The following GRM8 variants were observed in gnomAD, a reference collection of about 807,000 sequenced individuals.
GRM8 encodes metabotropic glutamate receptor 8.
Under a neutral mutation model 87.2 loss-of-function variants are expected in GRM8, and 47 were observed. The ratio of observed to expected loss-of-function variants is 0.54; its 90% confidence interval spans 0.43 to 0.69. GRM8 has a LOEUF of 0.69. GRM8 is among the 30% of genes least tolerant of loss of function. The pLI, the probability that GRM8 is intolerant of heterozygous loss-of-function variation, is 0.00. For missense variants in GRM8, 1,019 were observed against 1,139.2 expected (o/e 0.89, Z 1.52); for synonymous variants, 396 against 404.5 (o/e 0.98, Z 0.25).
Position 126,471,017 on chromosome 7 carries a change from C to T in GRM8, c.2431-24645G>A, listed in dbSNP as rs547827761. ...TTGAGAAGTGTCTGCTCATGTCCTT[C>T]GCCCACTTTTTGATGGGGTTGTTTG... On this transcript the variant is annotated intron_variant, in intron 9 of 10. Transcript: ENST00000339582. Among the ~76,000 whole-genome samples the T allele has an allele frequency of 1.4e-3, 210 of 151,994 alleles. 1 individual carries two copies. The highest frequency in any genetic ancestry group is 4.5e-3 in the African/African-American group (187 of 41,460).
At position 126,513,853 on chromosome 7, in the gene GRM8, A is replaced by G. The variant is rs148958844; in HGVS notation, c.2430+19099T>C. On this transcript the variant is annotated intron_variant, in intron 9 of 10. Coordinates refer to ENST00000339582, the MANE Select transcript of GRM8 (RefSeq NM_000845.3). ...TACTGATTCCAAATTGATTATAATC[A>G]GAGGTGTATACTACCAAACACTGAA... Among the ~76,000 whole-genome samples, 526 of 152,302 alleles carry G rather than the reference A, an allele frequency of 3.5e-3. 4 individuals carry two copies. Among genetic ancestry groups the G allele is most frequent in the African/African-American group, 0.012 (511 of 41,578 alleles).
At chr7:127,116,029 T>C (rs1587065131) in intron 2 of GRM8, among the ~76,000 whole-genome samples, 1 of 152,142 alleles carries the variant, frequency 6.6e-6, no homozygotes, top group Admixed American at 6.6e-5. Context: ...GGCTGCAAGA[T>C]CACTTGAGCC....
chr7:126,538,608 C>T (rs887247454), intron 8 of GRM8, among the ~76,000 whole-genome samples: 1 of 151,910 alleles, frequency 6.6e-6, no homozygotes, highest in Admixed American at 6.5e-5. Context: ...TCTTGCTCTA[C>T]ATGTAATAAT....
intron 3 of GRM8, among the ~76,000 whole-genome samples, chr7:126,912,818 CTAT>C (rs1367732766): frequency 2.0e-5 from 3 of 152,170 alleles, no homozygotes; most frequent in African/African-American, 7.2e-5. Context: ...CAACCGTAGA[CTAT>C]TGTTTGCCTT....
chr7:126,921,124 G>C (rs1804483409), intron 3 of GRM8, among the ~76,000 whole-genome samples: 1 of 152,084 alleles, frequency 6.6e-6, no homozygotes, highest in Non-Finnish European at 1.5e-5. Context: ...TAGAGGACAA[G>C]AAATAAGACA....
chr7:127,151,009 G>T (rs1828830981), intron 2 of GRM8, among the ~76,000 whole-genome samples: 1 of 152,014 alleles, frequency 6.6e-6, no homozygotes, highest in Admixed American at 6.6e-5. Flanking sequence ...AGAACAACAG[G>T]TTTTAGCTAT....
At chr7:126,842,447 A>G (rs2130604660) in intron 6 of GRM8, among the ~76,000 whole-genome samples, 1 of 152,384 alleles carries the variant, frequency 6.6e-6, no homozygotes, top group South Asian at 2.1e-4. Flanking sequence ...GGAAAGAATC[A>G]CTACATATTT....
In GRM8 at chr7:127,099,084, G is replaced by A. The variant is rs554832961; in HGVS notation, c.727+7412C>T. Among the ~76,000 whole-genome samples, 129 of 152,258 alleles carry A rather than the reference G, an allele frequency of 8.5e-4. 1 individual carries two copies. The South Asian group carries it at 0.025, about 29-fold the overall frequency. ...AATAATGTAAGACAAAGAAGGGAAGGAACCTGTCTAAAGACTAAAGGAAGT... is the reference window on the plus strand; with the variant it reads ...AATAATGTAAGACAAAGAAGGGAAGAAACCTGTCTAAAGACTAAAGGAAGT... On this transcript the variant is annotated intron_variant, in intron 3 of 10. Coordinates refer to ENST00000339582, the MANE Select transcript of GRM8 (RefSeq NM_000845.3).
intron 3 of GRM8, among the ~76,000 whole-genome samples, chr7:126,969,225 A>T (rs1241058466): frequency 6.6e-6 from 1 of 152,124 alleles, no homozygotes; most frequent in Non-Finnish European, 1.5e-5. Flanking sequence ...TGGCTGTGGC[A>T]ATTTTGTAAA....
At chr7:126,942,038 T>A (rs1807002921) in intron 3 of GRM8, among the ~76,000 whole-genome samples, 1 of 152,218 alleles carries the variant, frequency 6.6e-6, no homozygotes, top group Admixed American at 6.5e-5. Flanking sequence ...GCAAAGCCTG[T>A]TAACCTCATG....
At chr7:126,842,488 G>A (rs1459489638) in intron 6 of GRM8, among the ~76,000 whole-genome samples, 1 of 152,218 alleles carries the variant, frequency 6.6e-6, no homozygotes. Context: ...TGCCACCAAA[G>A]ATGTTCATGT....
chr7:126,764,536 C>T (rs1046002034), intron 7 of GRM8, among the ~76,000 whole-genome samples: 4 of 151,966 alleles, frequency 2.6e-5, no homozygotes, highest in African/African-American at 9.7e-5. Context: ...CTATAGTGTT[C>T]AGAGACTCTC....
At chr7:126,930,488 G>A (rs909576060) in intron 3 of GRM8, among the ~76,000 whole-genome samples, 3 of 152,204 alleles carry the variant, frequency 2.0e-5, no homozygotes, top group Non-Finnish European at 4.4e-5. Context: ...ACTGTGATAT[G>A]TTTTTGCCTC....
intron 3 of GRM8, among the ~76,000 whole-genome samples, chr7:126,948,261 A>C (rs1419009142): frequency 6.6e-5 from 10 of 151,916 alleles, no homozygotes; most frequent in Non-Finnish European, 2.9e-5. Flanking sequence ...GAGACAGGGA[A>C]TTTTTCATGG....
At chr7:127,097,575 C>CTTTG (rs1459314181) in intron 3 of GRM8, among the ~76,000 whole-genome samples, 3 of 152,184 alleles carry the variant, frequency 2.0e-5, no homozygotes, top group African/African-American at 7.2e-5. Flanking sequence ...TAATATACAG[C>CTTTG]TTTGTTATGC....
At chr7:126,712,353 T>C (rs1811190880) in intron 7 of GRM8, among the ~76,000 whole-genome samples, 1 of 152,142 alleles carries the variant, frequency 6.6e-6, no homozygotes, top group African/African-American at 2.4e-5. Flanking sequence ...ATAATAATAA[T>C]ATCAAAGATC....
intron 9 of GRM8, among the ~76,000 whole-genome samples, chr7:126,493,001 G>A (rs1170366744): frequency 6.6e-6 from 1 of 152,062 alleles, no homozygotes; most frequent in South Asian, 2.1e-4. Flanking sequence ...CATTGGGAAA[G>A]TTTGTTTGTG....
At chr7:127,226,899 T>C (rs1291165477) in intron 2 of GRM8, among the ~76,000 whole-genome samples, 1 of 152,214 alleles carries the variant, frequency 6.6e-6, no homozygotes, top group East Asian at 1.9e-4. Flanking sequence ...ATGTTTATTG[T>C]ATTAGTACAT....
chr7:126,495,034 C>G (rs1437253189), intron 9 of GRM8, among the ~76,000 whole-genome samples: 2 of 151,740 alleles, frequency 1.3e-5, no homozygotes, highest in African/African-American at 4.8e-5. Context: ...AAAATGCAAC[C>G]CTTACATATT....
Sources: allele counts gnomAD v4.1 joint callset (sites outside exome capture counted in the v4.1 genomes callset), GRCh38; gene constraint gnomAD v4.1.1; transcripts MANE v1.5; gene names NCBI Gene and HGNC (gene_info 2026-07-23, HGNC 2026-07-21).